The following GAK variants were observed in gnomAD, a reference collection of about 807,000 sequenced individuals.
The protein encoded by GAK is cyclin G associated kinase, also known as cyclin-G-associated kinase.
In GAK, 79 loss-of-function variants were observed where a neutral mutation model predicts 143.9. The ratio of observed to expected loss-of-function variants is 0.55; its 90% confidence interval spans 0.46 to 0.66. GAK has a LOEUF of 0.66. Ranked by LOEUF, GAK falls within the 30% of genes least tolerant of loss-of-function variation. The pLI is 0.00. For missense variants in GAK, 1,693 were observed against 1,779.7 expected (o/e 0.95, Z 0.88); for synonymous variants, 881 against 765.5 (o/e 1.15, Z -2.49).
chr4:849,293 T>C lies in GAK; in HGVS notation c.*380A>G, dbSNP rs1747631685. ...ACACAGCAGTCATCGGAAAATAGTT[T>C]AATTCTGTACAGACAACCACGGGAC... On this transcript the variant is annotated 3_prime_UTR_variant, in exon 28 of 28. Transcript: ENST00000314167. 2 of 217,002 alleles carry C rather than the reference T, an allele frequency of 9.2e-6. No homozygotes were observed. The highest frequency in any genetic ancestry group is 9.1e-5 in the South Asian group (1 of 10,994). The allele number at this position is 217,002 out of a possible 1,614,324, so 13.4% of individuals were successfully genotyped here.
chr4:910,677 GCTTC>G (rs919714622), intron 4 of GAK, among the ~76,000 whole-genome samples: 3 of 152,060 alleles, frequency 2.0e-5, no homozygotes, highest in Non-Finnish European at 2.9e-5. Flanking sequence ...CTCCCCACAG[GCTTC>G]CTTCTGTGGG....
At chr4:891,227 C>T (rs987127887) in intron 9 of GAK, among the ~76,000 whole-genome samples, 1 of 151,638 alleles carries the variant, frequency 6.6e-6, no homozygotes, top group Non-Finnish European at 1.5e-5. Context: ...TCCCAAAGTG[C>T]TAGGATTACA....
At chr4:855,842 C>A (rs1233385314) in intron 24 of GAK, among the ~76,000 whole-genome samples, 1 of 152,220 alleles carries the variant, frequency 6.6e-6, no homozygotes, top group Non-Finnish European at 1.5e-5. Flanking sequence ...GTAATCCCAG[C>A]TACTCAGGAG....
intron 23 of GAK, among the ~76,000 whole-genome samples, chr4:862,531 G>A (rs11737222): frequency 0.41 from 61,823 of 151,810 alleles, 12,860 homozygotes; most frequent in South Asian, 0.46. Context: ...GGTGGCAGGC[G>A]CCTGTAGTCC....
chr4:917,075 A>G (rs1205597885), intron 1 of GAK, among the ~76,000 whole-genome samples: 1 of 152,280 alleles, frequency 6.6e-6, no homozygotes, highest in African/African-American at 2.4e-5. Flanking sequence ...TGCCAGGCGA[A>G]AAAAGAGTAC....
chr4:857,808 CT>C (rs967723320), intron 24 of GAK, among the ~76,000 whole-genome samples: 3 of 152,230 alleles, frequency 2.0e-5, no homozygotes, highest in South Asian at 4.1e-4. Context: ...ATTTCGCTCC[CT>C]TTTTTTCCCC....
At chr4:926,221 C>A (rs908508444) in intron 1 of GAK, among the ~76,000 whole-genome samples, 1 of 152,196 alleles carries the variant, frequency 6.6e-6, no homozygotes, top group African/African-American at 2.4e-5. Flanking sequence ...CCAAGAGTGA[C>A]CTCCCTGTAT....
intron 2 of GAK, 25 bp from the exon 3 acceptor site, chr4:912,819 A>G: frequency 1.2e-6 from 2 of 1,605,480 alleles, no homozygotes; most frequent in Non-Finnish European, 1.7e-6. Context: ...AGCACACACA[A>G]AAGATGAAAG....
At chr4:869,274 C>T (rs981417119) in intron 19 of GAK, 1 of 149,378 alleles carries the variant, frequency 6.7e-6, no homozygotes, top group African/African-American at 2.6e-5. Flanking sequence ...AATGCACACA[C>T]AGCACACACA....
chr4:882,055 C>T lies in GAK; in HGVS notation c.1528-15G>A. On this transcript the variant is annotated splice_polypyrimidine_tract_variant and intron_variant, in intron 14 of 27. Transcript: ENST00000314167. ...GCTCTCCCGTCCTAGGACAGACAGA[C>T]ACGTCTCGCGTGCGCCTCGCACTCA... 71 of 1,591,152 alleles carry T rather than the reference C, an allele frequency of 4.5e-5. No individual in the cohort carries two copies. The highest frequency in any genetic ancestry group is 6.1e-5 in the Non-Finnish European group (71 of 1,168,512).
Position 867,080 on chromosome 4 carries a change from C to A in GAK, c.2748G>T (p.Gly916=). The part of the protein sequence containing the change: ...SNTDLLSCLL[G]PPEAASQGPP... ...GCCCCTGGGAGGCGGCCTCAGGGGG[C>A]CCAAGGAGGCAGCTGAGCAGGTCGG... The change falls in exon 21 of 28, where the codon GGG becomes GGT. Residue 916 remains glycine (G), a synonymous_variant. Coordinates refer to ENST00000314167, the MANE Select transcript of GAK (RefSeq NM_005255.4). 1 of 1,545,988 alleles carries A rather than the reference C, an allele frequency of 6.5e-7. No homozygotes were observed. Among genetic ancestry groups the A allele is most frequent in the Non-Finnish European group, 8.7e-7 (1 of 1,145,382 alleles).
chr4:912,605 A>G (rs1722239751), intron 3 of GAK, 130 bp downstream of exon 3: 5 of 690,262 alleles, frequency 7.2e-6, no homozygotes, highest in African/African-American at 1.8e-5. Context: ...TGGTAAAAGC[A>G]AAAAGCCGAT....
At chr4:897,898 G>A (rs1426623155) in intron 6 of GAK, 135 bp downstream of exon 6, 42 of 984,592 alleles carry the variant, frequency 4.3e-5, no homozygotes, top group African/African-American at 1.8e-4. Context: ...GCAGTGAGCC[G>A]GGATTGCACC....
chr4:882,171 G>T, intron 14 of GAK, 131 bp from the exon 15 acceptor site: 2 of 1,012,332 alleles, frequency 2.0e-6, no homozygotes, highest in South Asian at 1.6e-5. Context: ...GCTGGGATAT[G>T]TTTAGGGAGC....
At chr4:859,961 C>T (rs1387483166) in intron 23 of GAK, among the ~76,000 whole-genome samples, 2 of 152,194 alleles carry the variant, frequency 1.3e-5, no homozygotes, top group Non-Finnish European at 2.9e-5. Flanking sequence ...CAGAACCAAA[C>T]CATGCTCATA....
chr4:885,910 G>C (rs1002664110), intron 11 of GAK: 1 of 152,280 alleles, frequency 6.6e-6, no homozygotes, highest in African/African-American at 2.4e-5. Context: ...GGGACCACAG[G>C]TGCACGCCAC....
rs371041802 is a variant in GAK at position 897,925 on chromosome 4, G to A, written c.651+108C>T. Reference sequence around the variant, plus strand: ...GATTGCACCACTGCACTCCAGCCTGGTGACAGAGCGAGACTCAAAGCACCC... The same window carrying A: ...GATTGCACCACTGCACTCCAGCCTGATGACAGAGCGAGACTCAAAGCACCC... On this transcript the variant is annotated intron_variant, in intron 6 of 27. Transcript: ENST00000314167. 3.1e-6 allele frequency: 4 copies of A among 1,304,032 alleles called. No homozygotes were observed. The African/African-American group carries it at 5.9e-5, about 19-fold the overall frequency. 80.8% of individuals were successfully genotyped at this position (1,304,032 alleles called of 1,614,324 possible). A position where few individuals can be genotyped will look rare whatever the true frequency, so the allele number is the denominator to read the frequency against.
intron 22 of GAK, 126 bp downstream of exon 22, chr4:866,238 C>T (rs543679918): frequency 3.2e-5 from 30 of 925,734 alleles, no homozygotes; most frequent in South Asian, 6.5e-5. Flanking sequence ...CCGCAAGGAG[C>T]GCACCCGGAG....
intron 5 of GAK, among the ~76,000 whole-genome samples, chr4:901,938 C>T (rs1421519153): frequency 6.6e-6 from 1 of 152,204 alleles, no homozygotes; most frequent in Non-Finnish European, 1.5e-5. Context: ...GGTGTCAAAA[C>T]CACATAAAAA....
Sources: allele counts gnomAD v4.1 joint callset (sites outside exome capture counted in the v4.1 genomes callset), GRCh38; gene constraint gnomAD v4.1.1; transcripts MANE v1.5; gene names NCBI Gene and HGNC (gene_info 2026-07-23, HGNC 2026-07-21).